Variants in ITIH3 observed in about 807,000 individuals in gnomAD.
The protein encoded by ITIH3 is inter-alpha-trypsin inhibitor heavy chain 3.
A neutral mutation model predicts 96.5 loss-of-function variants in ITIH3; 81 were observed. The observed-to-expected ratio is 0.84, with a 90% confidence interval of 0.70 to 1.01. The LOEUF (loss-of-function observed/expected upper bound fraction) is 1.01, where lower values mean the gene tolerates loss of function less well. ITIH3 is among the 50% of genes least tolerant of loss of function. The pLI, the probability that ITIH3 is intolerant of heterozygous loss-of-function variation, is 0.00. For synonymous variants in ITIH3, 422 were observed against 445.2 expected, an observed-to-expected ratio of 0.95 and a Z score of 0.66; for missense variants, 1,057 against 1,139.3, an observed-to-expected ratio of 0.93 and a Z score of 1.04.
intron 7 of ITIH3, 51 bp downstream of exon 7, chr3:52,799,142 CG>C: frequency 3.1e-6 from 5 of 1,598,104 alleles, no homozygotes; most frequent in African/African-American, 2.7e-5. Flanking sequence ...GCTGGTCGGG[CG>C]GGGGCTGCAG....
intron 19 of ITIH3, among the ~76,000 whole-genome samples, 179 bp downstream of exon 19, chr3:52,807,284 C>T (rs1339773006): frequency 1.3e-5 from 2 of 152,206 alleles, no homozygotes; most frequent in Non-Finnish European, 2.9e-5. Flanking sequence ...CCAACCAAAC[C>T]CTGGGGCCCT....
chr3:52,805,390 T>C lies in ITIH3; in HGVS notation c.1874-418T>C, dbSNP rs1436616334. The C allele has an allele frequency of 2.9e-6, 3 of 1,029,860 alleles. No homozygotes were observed. In the African/African-American group the frequency reaches 5.1e-5, roughly 18 times the overall value. 63.8% of individuals were successfully genotyped at this position (1,029,860 alleles called of 1,614,324 possible). On this transcript the variant is annotated intron_variant, in intron 15 of 21. Coordinates refer to ENST00000449956, the MANE Select transcript of ITIH3 (RefSeq NM_002217.4). Reference sequence around the variant, plus strand: ...CGGTGCATGTGAGTACATATATGCATGTGCACGCATATGTGTGCGCCTGTG... The same window carrying C: ...CGGTGCATGTGAGTACATATATGCACGTGCACGCATATGTGTGCGCCTGTG...
chr3:52,797,885 C>T lies in ITIH3; in HGVS notation c.618C>T (p.Asn206=), dbSNP rs368383671. 23 of 1,609,298 alleles carry T rather than the reference C, an allele frequency of 1.4e-5. No individual in the cohort carries two copies. Among genetic ancestry groups the T allele is most frequent in the Admixed American group, 3.4e-5 (2 of 59,590 alleles). ...ATGCTGAGGCCTCTTTCATCACCAA[C>T]GACCTCCTGGGAAGCGCCCTCACCA... is the stretch of plus-strand genomic sequence containing the variant. The part of the protein sequence containing the change: ...MLDAEASFIT[N]DLLGSALTKS... The change falls in exon 6 of 22, where the codon AAC becomes AAT. Residue 206 remains asparagine (N), a synonymous_variant. Coordinates refer to ENST00000449956, the MANE Select transcript of ITIH3 (RefSeq NM_002217.4).
At position 52,800,610 on chromosome 3, in the gene ITIH3, C is replaced by G. The variant is rs201231777; in HGVS notation, c.1148C>G (p.Pro383Arg). 7.6e-6 allele frequency: 12 copies of G among 1,582,250 alleles called. No homozygotes were observed. The highest frequency in any genetic ancestry group is 2.7e-5 in the African/African-American group (2 of 74,310). Residue 383 changes from proline (P) to arginine (R), a missense_variant, in exon 10 of 22, where the codon CCA becomes CGA. Transcript: ENST00000449956. Reference sequence around the variant, plus strand: ...AAGGCCCGAGAGGAGCACAGAATCCCAGAGAGGAGCACCTCCATTGTCATC... The same window carrying G: ...AAGGCCCGAGAGGAGCACAGAATCCGAGAGAGGAGCACCTCCATTGTCATC... Reference protein sequence around the residue: ...LNKAREEHRIPERSTSIVIML... With the variant: ...LNKAREEHRIRERSTSIVIML...
chr3:52,807,079 G>T lies in ITIH3; in HGVS notation c.2235G>T (p.Leu745=). 6.3e-7 allele frequency: 1 copy of T among 1,595,694 alleles called. No individual in the cohort carries two copies. Among genetic ancestry groups the T allele is most frequent in the Non-Finnish European group, 8.5e-7 (1 of 1,171,416 alleles). The change falls in exon 19 of 22, where the codon CTG becomes CTT. Residue 745 remains leucine (L), a synonymous_variant. Transcript: ENST00000449956. ...NRAVPSTFSW[L]DTVTVTQDGL... Reference sequence around the variant, plus strand: ...CCGTGCCGAGCACTTTCAGCTGGCTGGACACAGTCACAGTCACGCAGGATG... The same window carrying T: ...CCGTGCCGAGCACTTTCAGCTGGCTTGACACAGTCACAGTCACGCAGGATG...
chr3:52,802,828 A>G lies in ITIH3; in HGVS notation c.1709+22A>G, dbSNP rs200453535. ...AGCGGTGAGCAGAGTCCCAGCCCCC[A>G]CCTGTGCCTACCCCTGGCTGGGCTC... On this transcript the variant is annotated intron_variant, in intron 13 of 21. Transcript: ENST00000449956. 547 of 1,612,578 alleles carry G rather than the reference A, an allele frequency of 3.4e-4. 6 individuals are homozygous for G. In the South Asian group the frequency reaches 5.4e-3, roughly 16 times the overall value.
chr3:52,807,285 C>G lies in ITIH3; in HGVS notation c.2261+180C>G, dbSNP rs147925071. 3.3e-5 allele frequency among the ~76,000 whole-genome samples: 5 copies of G among 152,344 alleles called. No homozygotes were observed. In the East Asian group the frequency reaches 7.7e-4, roughly 23 times the overall value. On this transcript the variant is annotated intron_variant, in intron 19 of 21. Transcript: ENST00000449956. The stretch of plus-strand genomic sequence containing the variant: ...GACCATAGTGGCCCCCAACCAAACC[C>G]TGGGGCCCTATCAGAGCCAGAATTG...
chr3:52,807,381 C>A (rs1700096386), intron 19 of ITIH3, among the ~76,000 whole-genome samples: 1 of 152,178 alleles, frequency 6.6e-6, no homozygotes, highest in South Asian at 2.1e-4. Flanking sequence ...TCTTCTGTGG[C>A]TGCTCTTGTC....
In ITIH3 at chr3:52,805,824, C is replaced by T. The variant is rs371778536; in HGVS notation, c.1890C>T (p.Pro630=). The change falls in exon 16 of 22, where the codon CCC becomes CCT. Residue 630 remains proline (P), a synonymous_variant. Transcript: ENST00000449956. ...GEDAEATPVS[P]AMSYLTSYQP... ...GCTTTTCAGCCACACCGGTGAGCCC[C>T]GCCATGTCCTACCTGAGTGAGTACA... 246 of 1,613,836 alleles carry T rather than the reference C, an allele frequency of 1.5e-4. No individual in the cohort carries two copies. The highest frequency in any genetic ancestry group is 5.7e-4 in the African/African-American group (43 of 75,032).
chr3:52,807,840 T>C lies in ITIH3; in HGVS notation c.2355T>C (p.His785=). ...TCCTACACCAGGTGTGGAAGAAACATCCTGTCCACCGTGACTTTCTAGGCT... is the reference window on the plus strand; with the variant it reads ...TCCTACACCAGGTGTGGAAGAAACACCCTGTCCACCGTGACTTTCTAGGCT... ...VVVLHQVWKK[H]PVHRDFLGFY... The change falls in exon 20 of 22, where the codon CAT becomes CAC. Residue 785 remains histidine (H), a synonymous_variant. Transcript: ENST00000449956. 1 of 1,611,452 alleles carries C rather than the reference T, an allele frequency of 6.2e-7. No homozygotes were observed. The highest frequency in any genetic ancestry group is 2.2e-5 in the East Asian group (1 of 44,806).
chr3:52,795,598 T>C lies in ITIH3; in HGVS notation c.94-5T>C. On this transcript the variant is annotated splice_region_variant and splice_polypyrimidine_tract_variant and intron_variant, in intron 1 of 21. Transcript: ENST00000449956. ...CTGTGTTTGTGTTTGTTTTTGTTTTTTCAGAAACGGAGCCTCCCGGAAGGG... is the reference window on the plus strand; with the variant it reads ...CTGTGTTTGTGTTTGTTTTTGTTTTCTCAGAAACGGAGCCTCCCGGAAGGG... 2 of 1,611,654 alleles carry C rather than the reference T, an allele frequency of 1.2e-6. No homozygotes were observed. The highest frequency in any genetic ancestry group is 1.7e-6 in the Non-Finnish European group (2 of 1,178,912).
intron 4 of ITIH3, 94 bp from the exon 5 acceptor site, chr3:52,797,011 C>A: frequency 7.0e-7 from 1 of 1,434,210 alleles, no homozygotes; most frequent in Non-Finnish European, 9.5e-7. Flanking sequence ...GGTTAGGGAT[C>A]TCCCTCGCCA....
rs1158017426 is a variant in ITIH3, at chr3:52,799,018, G to A, written c.716G>A (p.Cys239Tyr). Residue 239 changes from cysteine (C) to tyrosine (Y), a missense_variant, in exon 7 of 22, where the codon TGT (cysteine) becomes TAT (tyrosine). Cys to Tyr is a radical substitution (Grantham distance 194). Coordinates refer to ENST00000449956, the MANE Select transcript of ITIH3 (RefSeq NM_002217.4). ...GACCAACAGCGTTCATGCCCAACCT[G>A]TACAGACTCCCTCCTCAATGGAGAT... Reference protein sequence around the residue: ...SLDQQRSCPTCTDSLLNGDFT... With the variant: ...SLDQQRSCPTYTDSLLNGDFT... The A allele has an allele frequency of 1.2e-6, 2 of 1,613,640 alleles. No homozygotes were observed. Among genetic ancestry groups the A allele is most frequent in the Admixed American group, 3.3e-5 (2 of 59,974 alleles).
intron 5 of ITIH3, among the ~76,000 whole-genome samples, chr3:52,797,524 C>T (rs1699636817): frequency 6.6e-6 from 1 of 152,238 alleles, no homozygotes; most frequent in African/African-American, 2.4e-5. Flanking sequence ...CTCTGTAAGG[C>T]TTCTCACTGG....
At chr3:52,801,185 C>G in intron 11 of ITIH3, 39 bp downstream of exon 11, 1 of 1,483,224 alleles carries the variant, frequency 6.7e-7, no homozygotes, top group Non-Finnish European at 9.0e-7. Context: ...ATAAGGAGCT[C>G]ACTACTTCCT....
chr3:52,802,065 G>T, intron 11 of ITIH3: 1 of 405,366 alleles, frequency 2.5e-6, no homozygotes, highest in Non-Finnish European at 4.4e-6. Context: ...TACTTTCTTT[G>T]TGCTAAGAAC....
At chr3:52,800,850 C>T (rs1362491790) in intron 10 of ITIH3, 115 bp from the exon 11 acceptor site, 1 of 1,496,510 alleles carries the variant, frequency 6.7e-7, no homozygotes, top group Non-Finnish European at 9.1e-7. Flanking sequence ...CACAAGGGCT[C>T]ATGGTCGTGA....
chr3:52,800,390 A>G (rs1006395283), intron 9 of ITIH3, 148 bp from the exon 10 acceptor site: 1 of 831,304 alleles, frequency 1.2e-6, no homozygotes, highest in Admixed American at 2.9e-5. Flanking sequence ...TGGTTCATTC[A>G]TTGTTTGCTG....
intron 19 of ITIH3, 49 bp from the exon 20 acceptor site, chr3:52,807,698 G>C (rs1214834195): frequency 1.3e-6 from 2 of 1,564,416 alleles, no homozygotes; most frequent in Non-Finnish European, 1.7e-6. Flanking sequence ...CAGATGCCCA[G>C]TGTCACGGCC....
Sources: allele counts gnomAD v4.1 joint callset (sites outside exome capture counted in the v4.1 genomes callset), GRCh38; gene constraint gnomAD v4.1.1; transcripts MANE v1.5; gene names NCBI Gene and HGNC (gene_info 2026-07-23, HGNC 2026-07-21).